Variants in ST7 observed in about 807,000 individuals in gnomAD.
ST7 encodes suppression of tumorigenicity 7, also known as suppressor of tumorigenicity 7 protein.
ST7 carries 28 observed loss-of-function variants against 78.7 expected under a neutral mutation model. That is an observed-to-expected ratio of 0.36 (90% CI 0.26 to 0.49). The LOEUF is 0.49. Among genes scored for constraint, ST7 ranks in the 20% least tolerant of loss-of-function variants. The pLI is 0.99. For missense variants in ST7, 418 were observed against 696.0 expected (o/e 0.60, Z 4.49); for synonymous variants, 247 against 249.6 (o/e 0.99, Z 0.10).
intron 15 of ST7, among the ~76,000 whole-genome samples, chr7:117,228,126 A>G (rs1306321266): frequency 6.6e-6 from 1 of 151,982 alleles, no homozygotes; most frequent in Non-Finnish European, 1.5e-5. Context: ...TTCCTTTACC[A>G]TCCTTACTCC....
rs148243241 is a variant in ST7 at position 117,107,867 on chromosome 7, G to A, written c.234+8023G>A. Among the ~76,000 whole-genome samples the A allele has an allele frequency of 3.2e-4, 48 of 151,728 alleles. No individual in the cohort carries two copies. The East Asian group carries it at 7.4e-3, about 23-fold the overall frequency. ...TGACCTCAGGTGACCCACCTGCCTC[G>A]GCCTCCCAAAGTTCTGGGATTGTAG... is the stretch of plus-strand genomic sequence containing the variant. On this transcript the variant is annotated intron_variant, in intron 2 of 15. Coordinates refer to ENST00000323984, the MANE Select transcript of ST7 (RefSeq NM_001369598.1).
intron 9 of ST7, among the ~76,000 whole-genome samples, chr7:117,154,619 T>TG (rs766797017): frequency 2.0e-5 from 3 of 151,644 alleles, no homozygotes; most frequent in Non-Finnish European, 2.9e-5. Context: ...ATTAAGGGAG[T>TG]GGTGGAATTT....
chr7:116,961,555 C>CGT (rs35640208), intron 1 of ST7, among the ~76,000 whole-genome samples: 3,015 of 138,474 alleles, frequency 0.022, 72 homozygotes, highest in East Asian at 0.13. Flanking sequence ...TGTATTCCTA[C>CGT]GTGTGTGTGT....
At chr7:117,095,819 A>C (rs1800984629) in intron 1 of ST7, among the ~76,000 whole-genome samples, 1 of 152,064 alleles carries the variant, frequency 6.6e-6, no homozygotes, top group African/African-American at 2.4e-5. Flanking sequence ...TGTAATCCCA[A>C]CAATTTGGGA....
chr7:117,092,840 C>A (rs1310322390), intron 1 of ST7, among the ~76,000 whole-genome samples: 1 of 152,084 alleles, frequency 6.6e-6, no homozygotes, highest in African/African-American at 2.4e-5. Context: ...CTTAATCCAC[C>A]CTGATAGCCC....
intron 4 of ST7, 115 bp downstream of exon 4, chr7:117,129,962 C>T (rs113707269): frequency 1.4e-6 from 1 of 691,946 alleles, no homozygotes; most frequent in South Asian, 2.0e-5. Context: ...GTAGTGCGTC[C>T]ATTTTTTAAT....
intron 1 of ST7, among the ~76,000 whole-genome samples, chr7:116,981,545 A>G (rs766861541): frequency 6.6e-6 from 1 of 152,216 alleles, no homozygotes; most frequent in Non-Finnish European, 1.5e-5. Flanking sequence ...CATTGTGATT[A>G]CTTGACTAAG....
intron 1 of ST7, among the ~76,000 whole-genome samples, chr7:117,052,859 A>G (rs775879259): frequency 1.3e-5 from 2 of 152,256 alleles, no homozygotes; most frequent in Non-Finnish European, 2.9e-5. Context: ...GCGCCACTGC[A>G]CTGCAGCCTG....
intron 12 of ST7, among the ~76,000 whole-genome samples, chr7:117,191,331 A>G (rs1421180324): frequency 6.6e-6 from 1 of 152,240 alleles, no homozygotes; most frequent in Admixed American, 6.5e-5. Context: ...CTAATGTGGC[A>G]TTCCGTGTCT....
intron 1 of ST7, among the ~76,000 whole-genome samples, chr7:117,030,859 T>A (rs2116155166): frequency 6.6e-6 from 1 of 152,248 alleles, no homozygotes; most frequent in Non-Finnish European, 1.5e-5. Flanking sequence ...GGAATACAAG[T>A]AATTCTACCA....
intron 12 of ST7, among the ~76,000 whole-genome samples, chr7:117,193,969 A>ACT (rs1427312433): frequency 6.6e-6 from 1 of 152,104 alleles, no homozygotes; most frequent in East Asian, 1.9e-4. Context: ...TCGGAGGGCT[A>ACT]CTCTTAGGAA....
intron 12 of ST7, among the ~76,000 whole-genome samples, chr7:117,200,144 A>C (rs1245983115): frequency 1.3e-5 from 2 of 152,082 alleles, no homozygotes; most frequent in East Asian, 3.8e-4. Context: ...AAAAACAAAT[A>C]ATTTTTAACT....
intron 1 of ST7, among the ~76,000 whole-genome samples, chr7:116,965,148 G>C (rs1793038245): frequency 6.6e-6 from 1 of 152,098 alleles, no homozygotes; most frequent in African/African-American, 2.4e-5. Context: ...GACCATCCTG[G>C]CTAACACGGT....
chr7:117,032,376 A>G (rs1423806328), intron 1 of ST7, among the ~76,000 whole-genome samples: 3 of 151,972 alleles, frequency 2.0e-5, no homozygotes, highest in Admixed American at 2.0e-4. Flanking sequence ...ACATTTCTTT[A>G]ATTAGAAAGG....
At chr7:117,211,852 G>A (rs186432039) in intron 13 of ST7, among the ~76,000 whole-genome samples, 1 of 152,248 alleles carries the variant, frequency 6.6e-6, no homozygotes, top group African/African-American at 2.4e-5. Context: ...AAGTCAAGCA[G>A]AATAGTTGTA....
At chr7:116,977,493 T>C (rs1156378458) in intron 1 of ST7, among the ~76,000 whole-genome samples, 1 of 152,210 alleles carries the variant, frequency 6.6e-6, no homozygotes, top group Non-Finnish European at 1.5e-5. Flanking sequence ...GTAAATATAA[T>C]CTAATTTGTG....
chr7:116,986,937 T>G (rs1459262794), intron 1 of ST7, among the ~76,000 whole-genome samples: 1 of 152,202 alleles, frequency 6.6e-6, no homozygotes, highest in Non-Finnish European at 1.5e-5. Context: ...ATTAAGAACT[T>G]CTGCTGCTGG....
chr7:116,962,493 G>T (rs1411336322), intron 1 of ST7, among the ~76,000 whole-genome samples: 1 of 152,174 alleles, frequency 6.6e-6, no homozygotes, highest in East Asian at 1.9e-4. Flanking sequence ...ACTGGTGTGA[G>T]ATGGTATCTC....
chr7:117,011,517 T>TA (rs1795382637), intron 1 of ST7, among the ~76,000 whole-genome samples: 1 of 152,192 alleles, frequency 6.6e-6, no homozygotes, highest in South Asian at 2.1e-4. Context: ...AACAGATACA[T>TA]ACAGGGGTTC....
Sources: allele counts gnomAD v4.1 joint callset (sites outside exome capture counted in the v4.1 genomes callset), GRCh38; gene constraint gnomAD v4.1.1; transcripts MANE v1.5; gene names NCBI Gene and HGNC (gene_info 2026-07-23, HGNC 2026-07-21).